Variants in DMC1 observed in about 807,000 individuals in gnomAD.
DMC1 encodes DNA meiotic recombinase 1.
In DMC1, 27 loss-of-function variants were observed where a neutral mutation model predicts 50.1. That is an observed-to-expected ratio of 0.54 (90% CI 0.40 to 0.74). DMC1 has a LOEUF of 0.74. Among genes scored for constraint, DMC1 ranks in the 30% least tolerant of loss-of-function variants. DMC1 has a pLI of 0.00. For synonymous variants in DMC1, 148 were observed against 136.1 expected (o/e 1.09, Z -0.61); for missense variants, 295 against 420.2 (o/e 0.70, Z 2.60).
intron 7 of DMC1, among the ~76,000 whole-genome samples, chr22:38,551,532 G>A (rs11570409): frequency 0.022 from 3,395 of 151,866 alleles, 52 homozygotes; most frequent in Middle Eastern, 0.051. Flanking sequence ...GTTTCACCAT[G>A]TTTACCAGGC....
chr22:38,555,085 G>A (rs1181458757), intron 6 of DMC1, among the ~76,000 whole-genome samples: 1 of 135,520 alleles, frequency 7.4e-6, no homozygotes, highest in Non-Finnish European at 1.6e-5. Flanking sequence ...GCGAGACTCC[G>A]TCTCAAAAAA....
intron 12 of DMC1, among the ~76,000 whole-genome samples, chr22:38,529,318 C>A (rs2090130396): frequency 6.6e-6 from 1 of 152,138 alleles, no homozygotes; most frequent in Non-Finnish European, 1.5e-5. Flanking sequence ...CAATTTTCTT[C>A]TATTTCTGAC....
intron 8 of DMC1, among the ~76,000 whole-genome samples, chr22:38,544,851 C>A (rs1402906557): frequency 6.6e-6 from 1 of 150,812 alleles, no homozygotes; most frequent in African/African-American, 2.4e-5. Context: ...CCAGGATGGT[C>A]TCAATCTCCT....
Position 38,537,572 on chromosome 22 carries a change from A to G in DMC1, c.836+20T>C, listed in dbSNP as rs2090228540. On this transcript the variant is annotated intron_variant, in intron 12 of 13. Transcript: ENST00000216024. ...TTATATTAACCTCTGTGAAATAAAAAGTAGAATATTGGGGCTTACGTCATA... is the reference window on the plus strand; with the variant it reads ...TTATATTAACCTCTGTGAAATAAAAGGTAGAATATTGGGGCTTACGTCATA... The G allele has an allele frequency of 6.2e-7, 1 of 1,609,024 alleles. No homozygotes were observed. Among genetic ancestry groups the G allele is most frequent in the Non-Finnish European group, 8.5e-7 (1 of 1,175,468 alleles).
In DMC1 at chr22:38,567,612, C is replaced by A; in HGVS notation, c.67G>T (p.Asp23Tyr). 1 of 1,609,704 alleles carries A rather than the reference C, an allele frequency of 6.2e-7. No individual in the cohort carries two copies. The highest frequency in any genetic ancestry group is 2.2e-5 in the East Asian group (1 of 44,858). Reference protein sequence around the residue: ...FQDEEESLFQDIDLLQKHGIN... With the variant: ...FQDEEESLFQYIDLLQKHGIN... ...CCATGTTTCTGTAACAGGTCAATATCTTGAAACAAAGATTCCTAAAGGAGA... is the reference window on the plus strand; with the variant it reads ...CCATGTTTCTGTAACAGGTCAATATATTGAAACAAAGATTCCTAAAGGAGA... Residue 23 changes from aspartate (D) to tyrosine (Y), a missense_variant, in exon 3 of 14, where the codon GAT becomes TAT. Coordinates refer to ENST00000216024, the MANE Select transcript of DMC1 (RefSeq NM_007068.4).
intron 1 of DMC1, 162 bp from the exon 2 acceptor site, chr22:38,568,451 TTGTGTGTGTG>T (rs11570378): frequency 2.9e-5 from 17 of 591,754 alleles, no homozygotes; most frequent in Admixed American, 1.3e-4. Context: ...ACATTATTTC[TTGTGTGTGTG>T]TGTGTGTGTG....
intron 12 of DMC1, among the ~76,000 whole-genome samples, chr22:38,526,261 A>G (rs560596863): frequency 1.5e-4 from 23 of 151,902 alleles, no homozygotes; most frequent in Non-Finnish European, 2.8e-4. Context: ...CTGGAGTGCA[A>G]TGCCGTGATC....
At chr22:38,522,014 G>A (rs1405785806) in intron 12 of DMC1, among the ~76,000 whole-genome samples, 9 of 151,502 alleles carry the variant, frequency 5.9e-5, no homozygotes, top group Admixed American at 5.9e-4. Context: ...GTGCAGTGGT[G>A]TGATCTCACT....
At chr22:38,567,113 G>T (rs2090587999) in intron 3 of DMC1, among the ~76,000 whole-genome samples, 2 of 152,002 alleles carry the variant, frequency 1.3e-5, no homozygotes, top group Admixed American at 6.6e-5. Flanking sequence ...AATTTGTAAA[G>T]ATTTTTTTTT....
At chr22:38,517,717 C>A (rs962954731), downstream of DMC1, among the ~76,000 whole-genome samples, 3 of 152,148 alleles carry the variant, frequency 2.0e-5, no homozygotes, top group Non-Finnish European at 2.9e-5. Context: ...TATTTGCATA[C>A]GAAAATAAGC....
At chr22:38,513,611 CTT>C in the DMC1 span, among the ~76,000 whole-genome samples, 4 of 152,082 alleles carry the variant, frequency 2.6e-5, no homozygotes, top group African/African-American at 9.7e-5. Flanking sequence ...GAGTTTCACT[CTT>C]GTTGCCCAGG....
intron 8 of DMC1, among the ~76,000 whole-genome samples, chr22:38,540,762 G>A (rs1250783012): frequency 1.3e-5 from 2 of 152,136 alleles, no homozygotes; most frequent in Admixed American, 6.6e-5. Context: ...GATGTTTTTG[G>A]TGGACAAGTT....
At chr22:38,514,032 C>T (rs1259367048), downstream of DMC1, among the ~76,000 whole-genome samples, 2 of 152,148 alleles carry the variant, frequency 1.3e-5, no homozygotes, top group Non-Finnish European at 2.9e-5. Flanking sequence ...GCAGCAAGAT[C>T]GAGTCCTGAG....
At chr22:38,529,851 C>A (rs1399816784) in intron 12 of DMC1, among the ~76,000 whole-genome samples, 2 of 149,322 alleles carry the variant, frequency 1.3e-5, no homozygotes, top group African/African-American at 4.9e-5. Context: ...TGGGCAAGGG[C>A]AAGCTTGAGG....
At chr22:38,512,943 G>T in the DMC1 span, among the ~76,000 whole-genome samples, 1 of 152,122 alleles carries the variant, frequency 6.6e-6, no homozygotes, top group Non-Finnish European at 1.5e-5. Context: ...AATTAGCTGG[G>T]TGGGGTTGTG....
chr22:38,550,316 TC>T (rs1413148998), intron 7 of DMC1, among the ~76,000 whole-genome samples: 2 of 148,388 alleles, frequency 1.3e-5, no homozygotes, highest in Non-Finnish European at 3.0e-5. Flanking sequence ...TCTTTTCTTT[TC>T]TTTTTTTTTT....
At chr22:38,510,173 G>T in the DMC1 span, among the ~76,000 whole-genome samples, 3 of 151,980 alleles carry the variant, frequency 2.0e-5, no homozygotes, top group Admixed American at 1.3e-4. Flanking sequence ...GTATTTACAG[G>T]CTGGGCACAG....
At chr22:38,565,301 C>T (rs2090569843) in intron 4 of DMC1, among the ~76,000 whole-genome samples, 1 of 152,124 alleles carries the variant, frequency 6.6e-6, no homozygotes, top group South Asian at 2.1e-4. Flanking sequence ...AGACACCAGA[C>T]CAAATTGAGA....
chr22:38,545,624 T>C (rs1012811355), intron 8 of DMC1: 3 of 152,158 alleles, frequency 2.0e-5, no homozygotes, highest in Non-Finnish European at 4.4e-5. Context: ...GGTTTCACCG[T>C]GTTAGCCAGG....
Sources: allele counts gnomAD v4.1 joint callset (sites outside exome capture counted in the v4.1 genomes callset), GRCh38; gene constraint gnomAD v4.1.1; transcripts MANE v1.5; gene names NCBI Gene and HGNC (gene_info 2026-07-23, HGNC 2026-07-21).